The following ADA2 variants were observed in gnomAD, a reference collection of about 807,000 sequenced individuals.
ADA2 encodes the protein adenosine deaminase CECR1.
ADA2 carries 29 observed loss-of-function variants against 44.2 expected under a neutral mutation model. The ratio of observed to expected loss-of-function variants is 0.66; its 90% CI spans 0.49 to 0.89. The LOEUF is 0.89. Ranked by LOEUF, ADA2 falls within the 40% of genes least tolerant of loss-of-function variation. ADA2 has a pLI of 0.00. For synonymous variants in ADA2, 215 were observed against 234.9 expected (o/e 0.92, Z 0.77); for missense variants, 637 against 644.8 (o/e 0.99, Z 0.13).
intron 4 of ADA2, among the ~76,000 whole-genome samples, chr22:17,194,497 C>T (rs1323657374): frequency 6.6e-6 from 1 of 152,122 alleles, no homozygotes; most frequent in Non-Finnish European, 1.5e-5. Context: ...CTCCAGGGTG[C>T]TGCCCCGCTG....
intron 1 of ADA2, among the ~76,000 whole-genome samples, chr22:17,217,003 C>T (rs988413042): frequency 6.6e-6 from 1 of 151,492 alleles, no homozygotes; most frequent in African/African-American, 2.4e-5. Context: ...TCCTTAAAGA[C>T]ATAAAACATT....
chr22:17,207,257 A>C lies in ADA2; in HGVS notation c.356T>G (p.Val119Gly), dbSNP rs200935979. ...AALHLHDIGIVTMDWLVRNVT... is the reference protein window; with the variant it reads ...AALHLHDIGIGTMDWLVRNVT... ...ATTCCTCACCAGCCAGTCCATAGTC[A>C]CGATGCCAATGTCATGGAGGTGCAA... Residue 119 changes from valine (V) to glycine (G), a missense_variant, in exon 3 of 10, where the codon GTG becomes GGG. Physicochemically the swap from Val to Gly is moderately radical, Grantham distance 109. Transcript: ENST00000399837. 1.2e-6 allele frequency: 2 copies of C among 1,610,756 alleles called. No homozygotes were observed. Among genetic ancestry groups the C allele is most frequent in the Admixed American group, 3.3e-5 (2 of 59,964 alleles).
At chr22:17,197,978 C>T (rs935144956) in intron 4 of ADA2, among the ~76,000 whole-genome samples, 4 of 150,080 alleles carry the variant, frequency 2.7e-5, no homozygotes, top group African/African-American at 9.8e-5. Flanking sequence ...GCGGAGGTTG[C>T]GGTGAGCCAA....
At chr22:17,212,973 A>G (rs1217104441) in intron 1 of ADA2, among the ~76,000 whole-genome samples, 1 of 119,746 alleles carries the variant, frequency 8.4e-6, no homozygotes, top group Non-Finnish European at 1.7e-5. Context: ...TTTTTTCTTT[A>G]GAGACAGGGT....
intron 1 of ADA2, among the ~76,000 whole-genome samples, chr22:17,217,152 A>G (rs1176609399): frequency 4.6e-5 from 7 of 152,174 alleles, no homozygotes; most frequent in African/African-American, 1.7e-4. Flanking sequence ...TATTTTTAAA[A>G]GTAAAGCAAA....
intron 4 of ADA2, among the ~76,000 whole-genome samples, chr22:17,197,911 G>A (rs1378184078): frequency 6.6e-6 from 1 of 152,058 alleles, no homozygotes; most frequent in Non-Finnish European, 1.5e-5. Context: ...GGTGGCACAT[G>A]CCTGTATTCC....
chr22:17,206,294 TAA>T (rs1038395229), intron 3 of ADA2, among the ~76,000 whole-genome samples: 1 of 152,000 alleles, frequency 6.6e-6, no homozygotes, highest in African/African-American at 2.4e-5. Context: ...CTGTCTCTAC[TAA>T]AAATACAAAA....
chr22:17,209,605 C>T lies in ADA2; in HGVS notation c.73G>A (p.Gly25Ser), dbSNP rs373732727. 1.2e-5 allele frequency: 20 copies of T among 1,613,916 alleles called. No individual in the cohort carries two copies. Among genetic ancestry groups the T allele is most frequent in the South Asian group, 5.5e-5 (5 of 91,078 alleles). Reference protein sequence around the residue: ...LLLAVAMSFFGSALSIDETRA... With the variant: ...LLLAVAMSFFSSALSIDETRA... ...GTTTCATCTATGGATAGAGCTGAGCCGAAGAAAGACATTGCCACAGCCAAC... is the reference window on the plus strand; with the variant it reads ...GTTTCATCTATGGATAGAGCTGAGCTGAAGAAAGACATTGCCACAGCCAAC... Residue 25 changes from glycine to serine, a missense_variant, in exon 2 of 10, where the codon GGC (glycine) becomes AGC (serine). Transcript: ENST00000399837.
intron 1 of ADA2, among the ~76,000 whole-genome samples, chr22:17,218,670 G>A (rs1156242366): frequency 2.0e-5 from 3 of 152,166 alleles, no homozygotes; most frequent in African/African-American, 7.2e-5. Flanking sequence ...CCCAGCAACT[G>A]TGAACTTTTC....
chr22:17,187,146 C>G (rs1012169732), intron 7 of ADA2, among the ~76,000 whole-genome samples: 3 of 140,186 alleles, frequency 2.1e-5, no homozygotes, highest in Non-Finnish European at 3.0e-5. Context: ...CAGCCTGGGC[C>G]ACAGAGCGAG....
In ADA2 at chr22:17,216,973, TGAAA is replaced by T. The variant is rs2062480208; in HGVS notation, c.-47+2379_-47+2382del. ...CAACACAGGAAATAAAAGAAAAACCTGAAAGAACTGTAATTAACATCCTTAAAGA... is the reference window on the plus strand; with the variant it reads ...CAACACAGGAAATAAAAGAAAAACCTGAACTGTAATTAACATCCTTAAAGA... On this transcript the variant is annotated intron_variant, in intron 1 of 9. Transcript: ENST00000399837. Among the ~76,000 whole-genome samples the T allele has an allele frequency of 2.6e-5, 4 of 151,692 alleles. No homozygotes were observed. In the South Asian group the frequency reaches 6.2e-4, roughly 24 times the overall value.
chr22:17,209,338 C>T lies in ADA2; in HGVS notation c.322+18G>A, dbSNP rs748654102. ...TCTACCTTCCCAGCACCCCAAGCCACCCCTTTCCAAACCTTACCTTTTGGC... is the reference window on the plus strand; with the variant it reads ...TCTACCTTCCCAGCACCCCAAGCCATCCCTTTCCAAACCTTACCTTTTGGC... On this transcript the variant is annotated intron_variant, in intron 2 of 9. Coordinates refer to ENST00000399837, the MANE Select transcript of ADA2 (RefSeq NM_001282225.2). 1 of 1,605,804 alleles carries T rather than the reference C, an allele frequency of 6.2e-7. No homozygotes were observed. The highest frequency in any genetic ancestry group is 8.5e-7 in the Non-Finnish European group (1 of 1,174,412).
At position 17,194,979 on chromosome 22, in the gene ADA2, G is replaced by T. The variant is rs1210103435; in HGVS notation, c.754-3169C>A. Among the ~76,000 whole-genome samples the T allele has an allele frequency of 2.6e-5, 4 of 152,032 alleles. No homozygotes were observed. The East Asian group carries it at 5.8e-4, about 22-fold the overall frequency. On this transcript the variant is annotated intron_variant, in intron 4 of 9. Coordinates refer to ENST00000399837, the MANE Select transcript of ADA2 (RefSeq NM_001282225.2). ...AGAATCACCCTTACCACCGGAAACAGAAAGTTGTTACCAAGATGGGTCTGC... is the reference window on the plus strand; with the variant it reads ...AGAATCACCCTTACCACCGGAAACATAAAGTTGTTACCAAGATGGGTCTGC...
rs144447953 is a variant in ADA2 at position 17,188,349 on chromosome 22, G to T, written c.1071C>A (p.Ala357=). 14 of 1,613,042 alleles carry T rather than the reference G, an allele frequency of 8.7e-6. No individual in the cohort carries two copies. The highest frequency in any genetic ancestry group is 1.2e-5 in the Non-Finnish European group (14 of 1,179,038). Residue 357 remains alanine (A), a synonymous_variant, in exon 7 of 10, where the codon GCC becomes GCA. Coordinates refer to ENST00000399837, the MANE Select transcript of ADA2 (RefSeq NM_001282225.2). ...DGVKLPYFFH[A]GETDWQGTSI... is the part of the protein sequence containing the mutation. Reference sequence around the variant, plus strand: ...ATCCCGCAGGCTCACCTGTTTCTCCGGCGTGGAAGAAGTAAGGCAGCTTAA... The same window carrying T: ...ATCCCGCAGGCTCACCTGTTTCTCCTGCGTGGAAGAAGTAAGGCAGCTTAA...
At chr22:17,201,760 G>T (rs181012586) in intron 4 of ADA2, among the ~76,000 whole-genome samples, 2 of 152,148 alleles carry the variant, frequency 1.3e-5, no homozygotes, top group East Asian at 3.9e-4. Context: ...TGCTCTCCTC[G>T]AAAGATCCCT....
In ADA2 at chr22:17,181,836, C is replaced by T; in HGVS notation, c.1426G>A (p.Ala476Thr). 3 of 1,613,512 alleles carry T rather than the reference C, an allele frequency of 1.9e-6. No individual in the cohort carries two copies. The highest frequency in any genetic ancestry group is 2.2e-5 in the East Asian group (1 of 44,880). The change falls in exon 9 of 10, where the codon GCC (alanine) becomes ACC (threonine). Residue 476 changes from alanine to threonine, a missense_variant. Transcript: ENST00000399837. ...KADLRTLKQLAMNSIKYSTLL... is the reference protein window; with the variant it reads ...KADLRTLKQLTMNSIKYSTLL... ...GACACTCACTTGATAGAGTTCATGG[C>T]CAGCTGTTTGAGGGTCCTCAGGTCA...
At chr22:17,201,703 A>G (rs868851631) in intron 4 of ADA2, among the ~76,000 whole-genome samples, 1 of 152,162 alleles carries the variant, frequency 6.6e-6, no homozygotes. Flanking sequence ...GTTCTCTCCA[A>G]TAAACTCACT....
chr22:17,194,763 A>C (rs1197005203), intron 4 of ADA2, among the ~76,000 whole-genome samples: 1 of 151,864 alleles, frequency 6.6e-6, no homozygotes, highest in African/African-American at 2.4e-5. Context: ...TTCAGGATCT[A>C]GTATTGTCTA....
rs2061938945 is a variant in ADA2 at position 17,178,885 on chromosome 22, C to T, written c.*2598G>A. On this transcript the variant is annotated 3_prime_UTR_variant, in exon 10 of 10. Coordinates refer to ENST00000399837, the MANE Select transcript of ADA2 (RefSeq NM_001282225.2). ...CTGCCTGTGTTGGAGGTCCCCTGCG[C>T]AGTTGGGACCTAAAAGATCTTCAGG... is the stretch of plus-strand genomic sequence containing the variant. The T allele has an allele frequency of 6.6e-6, 1 of 152,148 alleles. No individual in the cohort carries two copies. 9.4% of individuals were successfully genotyped at this position (152,148 alleles called of 1,614,324 possible). A position where few individuals can be genotyped will look rare whatever the true frequency, so the allele number is the denominator to read the frequency against.
Sources: gnomAD v4.1 joint callset for allele counts (sites outside exome capture counted in the v4.1 genomes callset) on GRCh38, gnomAD v4.1.1 for gene constraint, MANE v1.5 for transcripts, NCBI Gene and HGNC (gene_info 2026-07-23, HGNC 2026-07-21) for gene names.